Variants in SNED1 observed in about 807,000 individuals in gnomAD.
The protein encoded by SNED1 is sushi, nidogen and EGF-like domain-containing protein 1.
In SNED1, 81 loss-of-function variants were observed where a neutral mutation model predicts 166.7. The observed-to-expected ratio is 0.49, with a 90% CI of 0.41 to 0.58. The LOEUF is 0.58. Among genes scored for constraint, SNED1 ranks in the 20% least tolerant of loss-of-function variants. SNED1 has a pLI of 0.00. For missense variants in SNED1, 1,604 were observed against 2,000.2 expected (o/e 0.80, Z 3.78); for synonymous variants, 762 against 822.0 (o/e 0.93, Z 1.25).
At position 241,018,901 on chromosome 2, in the gene SNED1, G is replaced by T. The variant is rs1291869291; in HGVS notation, c.214-11383G>T. 6.6e-6 allele frequency among the ~76,000 whole-genome samples: 1 copy of T among 152,226 alleles called. No homozygotes were observed. The highest frequency in any genetic ancestry group is 6.5e-5 in the Admixed American group (1 of 15,288). ...CGGGCTGGGGCAGCTGTCAGGGAAAGAGCCTTATCAGGCCCAGAAACGGTC... is the reference window on the plus strand; with the variant it reads ...CGGGCTGGGGCAGCTGTCAGGGAAATAGCCTTATCAGGCCCAGAAACGGTC... On this transcript the variant is annotated intron_variant, in intron 1 of 31. Transcript: ENST00000310397. The surrounding 1 kb of genome is among the most constrained non-coding windows in gnomAD (Gnocchi z 5.4).
chr2:241,071,382 G>A (rs114349168), intron 24 of SNED1, 194 bp from the exon 25 acceptor site: 544 of 629,008 alleles, frequency 8.6e-4, no homozygotes, highest in Non-Finnish European at 1.3e-3. Flanking sequence ...GAAGGGATGC[G>A]GCGGGTGGGC....
rs150345961 is a variant in SNED1 at position 241,094,623 on chromosome 2, T to G, written c.*2987T>G. 2.6e-4 allele frequency: 93 copies of G among 351,498 alleles called. No homozygotes were observed. The highest frequency in any genetic ancestry group is 1.0e-3 in the Middle Eastern group (1 of 964). The allele number at this position is 351,498 out of a possible 1,614,324, so 21.8% of individuals were successfully genotyped here. On this transcript the variant is annotated 3_prime_UTR_variant, in exon 32 of 32. Transcript: ENST00000310397. This position sits in a 1 kb window ranked among gnomAD's most constrained non-coding sequence, Gnocchi z 4.3. Reference sequence around the variant, plus strand: ...ATCTGAAGTTGTCACGAGTGAACAGTCACATTACTGTTGTGGACCAGGCCT... The same window carrying G: ...ATCTGAAGTTGTCACGAGTGAACAGGCACATTACTGTTGTGGACCAGGCCT...
At chr2:241,090,393 G>T (rs1437920687) in intron 31 of SNED1, 3 of 1,549,748 alleles carry the variant, frequency 1.9e-6, no homozygotes, top group Admixed American at 2.0e-5. Flanking sequence ...CCTCCTGAAG[G>T]ACCTGCCTGA....
In SNED1 at chr2:240,998,770, C is replaced by T. The variant is rs1163499586; in HGVS notation, c.-68C>T. 1 of 794,564 alleles carries T rather than the reference C, an allele frequency of 1.3e-6. No homozygotes were observed. The highest frequency in any genetic ancestry group is 1.6e-6 in the Non-Finnish European group (1 of 644,600). The allele number at this position is 794,564 out of a possible 1,614,324, so 49.2% of individuals were successfully genotyped here. A position where few individuals can be genotyped will look rare whatever the true frequency, so the allele number is the denominator to read the frequency against. ...ACCCCGCCTGGCCCTGCCGGCCACC[C>T]CCGCGCGCAGCCTAGTCCCCCAGCG... On this transcript the variant is annotated 5_prime_UTR_variant, in exon 1 of 32. Coordinates refer to ENST00000310397, the MANE Select transcript of SNED1 (RefSeq NM_001080437.3).
At chr2:241,036,707 G>A (rs2061382356) in intron 4 of SNED1, 83 bp from the exon 5 acceptor site, 1 of 1,567,550 alleles carries the variant, frequency 6.4e-7, no homozygotes, top group South Asian at 1.2e-5. Context: ...GTCAGGGGAG[G>A]GAAGGGAGAT....
In SNED1 at chr2:241,092,216, G is replaced by A. The variant is rs540615881; in HGVS notation, c.*580G>A. 3 of 152,288 alleles carry A rather than the reference G, an allele frequency of 2.0e-5. No individual in the cohort carries two copies. The highest frequency in any genetic ancestry group is 2.9e-5 in the Non-Finnish European group (2 of 68,042). 9.4% of individuals were successfully genotyped at this position (152,288 alleles called of 1,614,324 possible). A position where few individuals can be genotyped will look rare whatever the true frequency, so the allele number is the denominator to read the frequency against. ...CGTGTTTATGACGCTCGTGCAGGTC[G>A]ACGAGCCATCCTATGGACTAGTTAA... On this transcript the variant is annotated 3_prime_UTR_variant, in exon 32 of 32. Coordinates refer to ENST00000310397, the MANE Select transcript of SNED1 (RefSeq NM_001080437.3). The surrounding 1 kb of genome is among the most constrained non-coding windows in gnomAD (Gnocchi z 4.6).
chr2:241,056,439 TAACAAAATGGATAC>T lies in SNED1; in HGVS notation c.2257+3132_2257+3145del, dbSNP rs532612615. Among the ~76,000 whole-genome samples the T allele has an allele frequency of 2.4e-3, 357 of 151,048 alleles. 4 individuals carry two copies. The highest frequency in any genetic ancestry group is 8.0e-3 in the African/African-American group (329 of 41,102). On this transcript the variant is annotated intron_variant, in intron 16 of 31. Coordinates refer to ENST00000310397, the MANE Select transcript of SNED1 (RefSeq NM_001080437.3). The stretch of plus-strand genomic sequence containing the variant: ...CTGAAATGAATAAATTGGATAGGCT[TAACAAAATGGATAC>T]AACAAAATGGATACAACAGAAGAAA...
intron 5 of SNED1, 84 bp from the exon 6 acceptor site, chr2:241,037,156 C>A: frequency 8.1e-7 from 1 of 1,238,896 alleles, no homozygotes; most frequent in Non-Finnish European, 1.2e-6. Context: ...GCTCCTCCTC[C>A]GTCCCCGGCC....
chr2:241,030,832 G>A (rs902419541), intron 2 of SNED1, among the ~76,000 whole-genome samples: 3 of 152,244 alleles, frequency 2.0e-5, no homozygotes, highest in Non-Finnish European at 4.4e-5. Flanking sequence ...AGAGGTGTTA[G>A]GAGGATTTCC....
chr2:241,040,702 T>C (rs552513882), intron 8 of SNED1, among the ~76,000 whole-genome samples: 1 of 152,286 alleles, frequency 6.6e-6, no homozygotes, highest in African/African-American at 2.4e-5. Context: ...TTTCCATCTG[T>C]GAAATGCCAG....
At chr2:241,012,693 G>A (rs67342807) in intron 1 of SNED1, among the ~76,000 whole-genome samples, 23,390 of 152,048 alleles carry the variant, frequency 0.15, 2,592 homozygotes, top group East Asian at 0.34. Context: ...GTGAAATGAC[G>A]ACCAGAATCG....
At position 241,073,362 on chromosome 2, in the gene SNED1, G is replaced by C; in HGVS notation, c.3914G>C (p.Gly1305Ala). The C allele has an allele frequency of 6.4e-7, 1 of 1,566,400 alleles. No individual in the cohort carries two copies. Among genetic ancestry groups the C allele is most frequent in the Non-Finnish European group, 8.6e-7 (1 of 1,156,500 alleles). Residue 1305 changes from glycine to alanine, a missense_variant and splice_region_variant, in exon 27 of 32, where the codon GGA becomes GCA. Around this residue, in one of 2 missense-constraint regions of SNED1, gnomAD observed 367 missense variants for 379.4 expected, o/e 0.97. Transcript: ENST00000310397. The surrounding 1 kb of genome is among the most constrained non-coding windows in gnomAD (Gnocchi z 6.6). The part of the protein sequence containing the change: ...QLPEHGSKDI[G>A]NVPGNCSENP... The stretch of plus-strand genomic sequence containing the variant: ...CCTGAACACGGCAGCAAGGACATCG[G>C]AAGTGAGTCAGCAGCGCTGGTGGGG...
Position 241,085,860 on chromosome 2 carries a change from C to CTTT in SNED1, c.4122-1510_4122-1508dup, listed in dbSNP as rs772995766. ...CTATGGCATGGCCTTTCTGCGGTTT[C>CTTT]TTTTTTTTTTTTTTTTTTTTTTTTG... On this transcript the variant is annotated intron_variant, in intron 29 of 31. Coordinates refer to ENST00000310397, the MANE Select transcript of SNED1 (RefSeq NM_001080437.3). Among the ~76,000 whole-genome samples, 636 of 79,174 alleles carry CTTT rather than the reference C, an allele frequency of 8.0e-3. 12 individuals carry two copies. The highest frequency in any genetic ancestry group is 0.015 in the African/African-American group (293 of 19,650). The allele number at this position is 79,174 out of a possible 152,430, so 51.9% of individuals were successfully genotyped here.
intron 8 of SNED1, among the ~76,000 whole-genome samples, chr2:241,044,639 A>G (rs1338325715): frequency 1.3e-5 from 2 of 152,228 alleles, no homozygotes; most frequent in African/African-American, 4.8e-5. Context: ...GTGCTCCAGG[A>G]GAAGCCCTCT....
intron 1 of SNED1, among the ~76,000 whole-genome samples, chr2:241,016,636 A>G (rs1268988304): frequency 6.6e-6 from 1 of 152,190 alleles, no homozygotes; most frequent in Non-Finnish European, 1.5e-5. Flanking sequence ...TATCCAGGTT[A>G]TGGTAGCCTC....
chr2:241,089,599 G>A (rs372864640), intron 31 of SNED1, among the ~76,000 whole-genome samples: 153 of 152,240 alleles, frequency 1.0e-3, no homozygotes, highest in African/African-American at 3.0e-3. Flanking sequence ...GAGAGTAGCC[G>A]GCAGCATTCA....
At chr2:241,066,086 G>C (rs779726968) in intron 21 of SNED1, among the ~76,000 whole-genome samples, 4 of 152,170 alleles carry the variant, frequency 2.6e-5, no homozygotes, top group African/African-American at 4.8e-5. Context: ...AGAGCCGTGG[G>C]GCAGGCCCTA....
intron 16 of SNED1, among the ~76,000 whole-genome samples, chr2:241,054,111 C>T (rs1357774224): frequency 7.6e-6 from 1 of 132,012 alleles, no homozygotes; most frequent in African/African-American, 3.2e-5. Flanking sequence ...CTTCAAGCAT[C>T]CCTCCTTTCC....
At chr2:241,026,311 C>T (rs1046304936) in intron 1 of SNED1, among the ~76,000 whole-genome samples, 1 of 152,174 alleles carries the variant, frequency 6.6e-6, no homozygotes, top group Non-Finnish European at 1.5e-5. Context: ...CCACTGCGCC[C>T]AGCCTGTTTT....
Sources: allele counts gnomAD v4.1 joint callset (sites outside exome capture counted in the v4.1 genomes callset), GRCh38; gene constraint gnomAD v4.1.1; regional missense constraint gnomAD v4.1.1; non-coding constraint Gnocchi (gnomAD v3.1); transcripts MANE v1.5; gene names NCBI Gene and HGNC (gene_info 2026-07-23, HGNC 2026-07-21).